The following TBC1D1 variants were observed in gnomAD, a reference collection of about 807,000 sequenced individuals.
TBC1D1 encodes the protein TBC1 domain family member 1.
In TBC1D1, 89 loss-of-function variants were observed where a neutral mutation model predicts 125.6. That is an observed-to-expected ratio of 0.71 (90% CI 0.60 to 0.85). The LOEUF is 0.85. Ranked by LOEUF, TBC1D1 falls within the 40% of genes least tolerant of loss-of-function variation. The pLI, the probability that TBC1D1 is intolerant of heterozygous loss-of-function variation, is 0.00. For missense variants in TBC1D1, 1,377 were observed against 1,469.2 expected, an observed-to-expected ratio of 0.94 and a Z score of 1.03; for synonymous variants, 565 against 564.1, an observed-to-expected ratio of 1.00 and a Z score of -0.02.
intron 17 of TBC1D1, among the ~76,000 whole-genome samples, chr4:38,124,046 C>T (rs1350672250): frequency 6.6e-6 from 1 of 152,180 alleles, no homozygotes; most frequent in Non-Finnish European, 1.5e-5. Flanking sequence ...TATCTTTCAG[C>T]CAAAAGAAAC....
chr4:38,069,566 AT>A (rs534585548), intron 12 of TBC1D1, among the ~76,000 whole-genome samples: 3 of 151,770 alleles, frequency 2.0e-5, no homozygotes, highest in East Asian at 1.9e-4. Flanking sequence ...AGGCCATGTA[AT>A]TTTTTTTTCC....
chr4:37,920,364 C>A (rs560669359), intron 2 of TBC1D1, among the ~76,000 whole-genome samples: 2 of 152,190 alleles, frequency 1.3e-5, no homozygotes, highest in African/African-American at 4.8e-5. Flanking sequence ...TTCTGCAAAA[C>A]CACCTTGGAG....
intron 2 of TBC1D1, among the ~76,000 whole-genome samples, chr4:37,946,879 G>A (rs1292041847): frequency 6.6e-6 from 1 of 152,172 alleles, no homozygotes; most frequent in African/African-American, 2.4e-5. Flanking sequence ...AAAGGAAAAT[G>A]CATGTCCACA....
At chr4:38,062,577 T>C (rs1752955950) in intron 12 of TBC1D1, among the ~76,000 whole-genome samples, 1 of 152,082 alleles carries the variant, frequency 6.6e-6, no homozygotes. Flanking sequence ...ATTTCTATGG[T>C]TAAAGATACT....
chr4:38,047,837 GAGA>G (rs1400787618), intron 10 of TBC1D1, among the ~76,000 whole-genome samples: 1 of 152,162 alleles, frequency 6.6e-6, no homozygotes, highest in Non-Finnish European at 1.5e-5. Flanking sequence ...GAAGTGAACA[GAGA>G]AGAAGGCATT....
At position 37,941,974 on chromosome 4, in the gene TBC1D1, G is replaced by A. The variant is rs368155264; in HGVS notation, c.417+39462G>A. On this transcript the variant is annotated intron_variant, in intron 2 of 19. Transcript: ENST00000261439. ...TGGTCAATTTTGGAATAAGTGCGATGTGGTGCTGAGAAGAATGTATATTCT... is the reference window on the plus strand; with the variant it reads ...TGGTCAATTTTGGAATAAGTGCGATATGGTGCTGAGAAGAATGTATATTCT... Among the ~76,000 whole-genome samples the A allele has an allele frequency of 1.2e-4, 19 of 152,366 alleles. No individual in the cohort carries two copies. In the East Asian group the frequency reaches 3.1e-3, roughly 25 times the overall value.
intron 6 of TBC1D1, among the ~76,000 whole-genome samples, chr4:38,023,800 GT>G (rs1278048471): frequency 6.6e-6 from 1 of 152,172 alleles, no homozygotes. Context: ...ATCTGTTGAA[GT>G]TCCTGCTTTC....
intron 2 of TBC1D1, among the ~76,000 whole-genome samples, chr4:37,907,249 A>G (rs1471421308): frequency 6.6e-6 from 1 of 152,180 alleles, no homozygotes; most frequent in East Asian, 1.9e-4. Flanking sequence ...CTTTTTAGAA[A>G]ATTGTGGATC....
intron 12 of TBC1D1, among the ~76,000 whole-genome samples, chr4:38,086,160 T>TAAAA (rs71190949): frequency 1.3e-5 from 2 of 152,122 alleles, no homozygotes; most frequent in African/African-American, 4.8e-5. Context: ...TCGTAAACTA[T>TAAAA]AAAAAAATCA....
chr4:38,128,807 A>G (rs534599195), intron 18 of TBC1D1, among the ~76,000 whole-genome samples: 8 of 152,330 alleles, frequency 5.3e-5, no homozygotes, highest in East Asian at 1.9e-4. Context: ...TGAATAAACC[A>G]TCTACATCTT....
intron 12 of TBC1D1, among the ~76,000 whole-genome samples, chr4:38,063,568 T>C (rs2152499924): frequency 6.6e-6 from 1 of 152,360 alleles, no homozygotes; most frequent in South Asian, 2.1e-4. Flanking sequence ...CAATTCAATG[T>C]TGTGAGGTTA....
chr4:37,955,617 A>C (rs1728777478), intron 2 of TBC1D1, among the ~76,000 whole-genome samples: 1 of 152,198 alleles, frequency 6.6e-6, no homozygotes, highest in Non-Finnish European at 1.5e-5. Flanking sequence ...AAATATTTAC[A>C]ATCCACGGTT....
At position 38,020,642 on chromosome 4, in the gene TBC1D1, G is replaced by A. The variant is rs1226708368; in HGVS notation, c.1024G>A (p.Gly342Ser). The A allele has an allele frequency of 6.2e-7, 1 of 1,613,280 alleles. No homozygotes were observed. The change falls in exon 5 of 20, where the codon GGT becomes AGT. Residue 342 changes from glycine (G) to serine (S), a missense_variant. Gly to Ser is a moderately conservative substitution (Grantham distance 56). Transcript: ENST00000261439. ...GTTTATCTGTCGGGAGTCTTCCGGA[G>A]GTGGCGGCTTTCATTTTGTCTGTTA...
chr4:38,060,586 T>C (rs1268090369), intron 12 of TBC1D1: 1 of 1,283,618 alleles, frequency 7.8e-7, no homozygotes, highest in African/African-American at 1.5e-5. Context: ...GTAAGGATGC[T>C]TACGTCTGTG....
chr4:37,917,473 T>C (rs2152266694), intron 2 of TBC1D1, among the ~76,000 whole-genome samples: 1 of 152,214 alleles, frequency 6.6e-6, no homozygotes, highest in African/African-American at 2.4e-5. Flanking sequence ...AGACACCATC[T>C]CAAAATAATA....
intron 7 of TBC1D1, among the ~76,000 whole-genome samples, chr4:38,028,126 C>CA (rs199499890): frequency 0.023 from 3,508 of 149,630 alleles, 130 homozygotes; most frequent in African/African-American, 0.083. Context: ...AACAAACAAA[C>CA]AAACAAAAAA....
At chr4:37,917,767 T>C (rs577707453) in intron 2 of TBC1D1, among the ~76,000 whole-genome samples, 25 of 152,340 alleles carry the variant, frequency 1.6e-4, no homozygotes, top group Non-Finnish European at 3.2e-4. Flanking sequence ...ATCTGGACTA[T>C]ATACTTTTGT....
chr4:38,041,533 G>A (rs1748377411), intron 8 of TBC1D1, among the ~76,000 whole-genome samples: 1 of 152,098 alleles, frequency 6.6e-6, no homozygotes. Flanking sequence ...AGCCTCCTTT[G>A]TAAGAGCAAG....
At chr4:38,106,245 G>A (rs1242885199) in intron 15 of TBC1D1, among the ~76,000 whole-genome samples, 6 of 152,190 alleles carry the variant, frequency 3.9e-5, no homozygotes, top group Non-Finnish European at 8.8e-5. Context: ...GCCCTGGGAA[G>A]GTGGCCTGCA....
Sources: allele counts gnomAD v4.1 joint callset (sites outside exome capture counted in the v4.1 genomes callset), GRCh38; gene constraint gnomAD v4.1.1; transcripts MANE v1.5; gene names NCBI Gene and HGNC (gene_info 2026-07-23, HGNC 2026-07-21).